RPAP2: variants seen among roughly 807,000 people sequenced by gnomAD.
RPAP2 encodes the protein putative RNA polymerase II subunit B1 CTD phosphatase RPAP2.
Under a neutral mutation model 73.1 loss-of-function variants are expected in RPAP2, and 52 were observed. The observed-to-expected ratio is 0.71, with a 90% confidence interval of 0.57 to 0.90. The LOEUF is 0.90. Among genes scored for constraint, RPAP2 ranks in the 40% least tolerant of loss-of-function variants. RPAP2 has a pLI of 0.00. For synonymous variants in RPAP2, 225 were observed against 242.1 expected (o/e 0.93, Z 0.65); for missense variants, 598 against 701.8 (o/e 0.85, Z 1.67).
Position 92,323,431 on chromosome 1 carries a change from C to T in RPAP2, c.525-14C>T. 2.7e-6 allele frequency: 4 copies of T among 1,508,696 alleles called. No individual in the cohort carries two copies. The highest frequency in any genetic ancestry group is 2.6e-5 in the South Asian group (2 of 75,976). 93.5% of individuals were successfully genotyped at this position (1,508,696 alleles called of 1,614,324 possible). ...TTTTTTATTTAGTTATTTTATTTCT[C>T]TTTCATTCTACAGTGGCCATTCTGG... On this transcript the variant is annotated splice_polypyrimidine_tract_variant and intron_variant, in intron 7 of 12. Transcript: ENST00000610020.
chr1:92,351,989 A>G (rs186140087), intron 11 of RPAP2, among the ~76,000 whole-genome samples: 9 of 152,286 alleles, frequency 5.9e-5, no homozygotes, highest in Admixed American at 3.3e-4. Flanking sequence ...TGGTTATCCA[A>G]TGAAGGAGAT....
chr1:92,323,350 T>G, intron 7 of RPAP2, 95 bp from the exon 8 acceptor site: 1 of 746,728 alleles, frequency 1.3e-6, no homozygotes, highest in Non-Finnish European at 2.0e-6. Flanking sequence ...AAAGTTACAA[T>G]GTATAAATAC....
At chr1:92,369,808 G>A (rs538503423) in intron 11 of RPAP2, among the ~76,000 whole-genome samples, 11 of 152,328 alleles carry the variant, frequency 7.2e-5, no homozygotes, top group South Asian at 6.2e-4. Context: ...AAGAAAAAGA[G>A]AGGAAGCAGG....
At chr1:92,318,487 T>C (rs1179024701) in intron 6 of RPAP2, among the ~76,000 whole-genome samples, 1 of 152,064 alleles carries the variant, frequency 6.6e-6, no homozygotes, top group South Asian at 2.1e-4. Flanking sequence ...TTTTCCCACC[T>C]TTTTTTTCTT....
intron 11 of RPAP2, among the ~76,000 whole-genome samples, chr1:92,380,041 C>A (rs536280975): frequency 2.4e-5 from 2 of 84,750 alleles, no homozygotes; most frequent in East Asian, 4.3e-4. Context: ...TGGTGGATCG[C>A]CTGAGGCTGG....
rs572875459 is a variant in RPAP2 at position 92,323,227 on chromosome 1, A to G, written c.525-218A>G. On this transcript the variant is annotated intron_variant, in intron 7 of 12. Transcript: ENST00000610020. ...GAAGGAAGAATACAGAAGGAGAACTATATCAAAAAATATATTATTAACAGA... is the reference window on the plus strand; with the variant it reads ...GAAGGAAGAATACAGAAGGAGAACTGTATCAAAAAATATATTATTAACAGA... Among the ~76,000 whole-genome samples, 321 of 151,660 alleles carry G rather than the reference A, an allele frequency of 2.1e-3. 1 individual carries two copies. The highest frequency in any genetic ancestry group is 3.8e-3 in the Non-Finnish European group (255 of 67,864).
chr1:92,328,764 T>C (rs956724315), intron 8 of RPAP2, among the ~76,000 whole-genome samples: 1 of 152,178 alleles, frequency 6.6e-6, no homozygotes, highest in African/African-American at 2.4e-5. Flanking sequence ...TTCCTTCTCA[T>C]TTGGGTAGAC....
intron 8 of RPAP2, among the ~76,000 whole-genome samples, chr1:92,330,430 G>A (rs990574640): frequency 1.1e-4 from 16 of 145,660 alleles, no homozygotes; most frequent in African/African-American, 3.8e-4. Context: ...TTTTCTTTGT[G>A]GGTTGTCAAT....
chr1:92,361,754 G>A (rs1654745652), intron 11 of RPAP2, among the ~76,000 whole-genome samples: 1 of 152,106 alleles, frequency 6.6e-6, no homozygotes, highest in African/African-American at 2.4e-5. Flanking sequence ...TAATTCATTA[G>A]TTATAAAATT....
chr1:92,342,666 G>A (rs902905886), intron 10 of RPAP2, among the ~76,000 whole-genome samples: 2 of 152,198 alleles, frequency 1.3e-5, no homozygotes, highest in Admixed American at 6.5e-5. Flanking sequence ...AAGAAATGGT[G>A]TGACTGAAGA....
At chr1:92,331,962 G>C (rs1652995535) in intron 8 of RPAP2, among the ~76,000 whole-genome samples, 1 of 151,566 alleles carries the variant, frequency 6.6e-6, no homozygotes, top group Admixed American at 6.6e-5. Flanking sequence ...CTTGTCTTTT[G>C]GCTTACATTT....
chr1:92,329,280 G>A (rs1359620094), intron 8 of RPAP2, among the ~76,000 whole-genome samples: 1 of 152,134 alleles, frequency 6.6e-6, no homozygotes, highest in Non-Finnish European at 1.5e-5. Flanking sequence ...TCAGGTGGGG[G>A]TACCATTGTG....
chr1:92,335,089 G>A (rs146082171), intron 9 of RPAP2, among the ~76,000 whole-genome samples: 1 of 152,160 alleles, frequency 6.6e-6, no homozygotes, highest in Non-Finnish European at 1.5e-5. Context: ...AGTCTGCAGT[G>A]AGCTATGATT....
At chr1:92,330,457 T>C (rs1368560741) in intron 8 of RPAP2, among the ~76,000 whole-genome samples, 1 of 142,650 alleles carries the variant, frequency 7.0e-6, no homozygotes, top group Non-Finnish European at 1.5e-5. Context: ...TTTTTTTTTT[T>C]TTTTTTTTTG....
intron 11 of RPAP2, among the ~76,000 whole-genome samples, chr1:92,378,220 T>C (rs1309527117): frequency 6.7e-6 from 1 of 149,518 alleles, no homozygotes; most frequent in African/African-American, 2.5e-5. Context: ...TTCATTCATT[T>C]TTGAGATGGA....
rs1330726284 is a variant in RPAP2 at position 92,393,185 on chromosome 1, C to T, written c.*6174C>T. On this transcript the variant is annotated 3_prime_UTR_variant, in exon 13 of 13. Transcript: ENST00000610020. ...CCTCAGAAATAACACCACACGTCTA[C>T]CACCATCTGATCTTTGACAAACCTG... 3.9e-5 allele frequency: 6 copies of T among 152,188 alleles called. No homozygotes were observed. In the East Asian group the frequency reaches 1.2e-3, roughly 29 times the overall value. 9.4% of individuals were successfully genotyped at this position (152,188 alleles called of 1,614,324 possible). A position where few individuals can be genotyped will look rare whatever the true frequency, so the allele number is the denominator to read the frequency against.
At chr1:92,334,873 A>G (rs1177700315) in intron 9 of RPAP2, among the ~76,000 whole-genome samples, 2 of 152,178 alleles carry the variant, frequency 1.3e-5, no homozygotes, top group Non-Finnish European at 2.9e-5. Flanking sequence ...CTGTAGTCCC[A>G]GTTACTCAGG....
At chr1:92,369,110 A>G (rs932882250) in intron 11 of RPAP2, among the ~76,000 whole-genome samples, 1 of 152,240 alleles carries the variant, frequency 6.6e-6, no homozygotes, top group Non-Finnish European at 1.5e-5. Context: ...ATTGAAAGAA[A>G]TAACTTTCAA....
rs1391516327 is a variant in RPAP2, at chr1:92,392,742, T to A, written c.*5731T>A. The A allele has an allele frequency of 6.6e-6, 1 of 152,098 alleles. No individual in the cohort carries two copies. The highest frequency in any genetic ancestry group is 2.1e-4 in the South Asian group (1 of 4,820). The allele number at this position is 152,098 out of a possible 1,614,324, so 9.4% of individuals were successfully genotyped here. On this transcript the variant is annotated 3_prime_UTR_variant, in exon 13 of 13. Coordinates refer to ENST00000610020, the MANE Select transcript of RPAP2 (RefSeq NM_024813.3). ...CACAAGCATTCCTATATACCAATAA[T>A]AGACAAAGAGCCAAATCATGAGTGA...
Sources: allele counts gnomAD v4.1 joint callset (sites outside exome capture counted in the v4.1 genomes callset), GRCh38; gene constraint gnomAD v4.1.1; transcripts MANE v1.5; gene names NCBI Gene and HGNC (gene_info 2026-07-23, HGNC 2026-07-21).